Variants in NPAS3 observed in about 807,000 individuals in gnomAD.
NPAS3 encodes neuronal PAS domain protein 3.
In NPAS3, 14 loss-of-function variants were observed where a neutral mutation model predicts 73.1. The ratio of observed to expected loss-of-function variants is 0.19; its 90% confidence interval spans 0.13 to 0.30. NPAS3 has a LOEUF of 0.30. Among genes scored for constraint, NPAS3 ranks in the 10% least tolerant of loss-of-function variants. The probability of loss-of-function intolerance (pLI) is 1.00; values close to 1 mark genes in which losing one functional copy is unlikely to be tolerated. For missense variants in NPAS3, 1,096 were observed against 1,250.0 expected (o/e 0.88, Z 1.86); for synonymous variants, 620 against 541.5 (o/e 1.14, Z -2.01).
chr14:33,314,217 G>A (rs1375815370), intron 3 of NPAS3, among the ~76,000 whole-genome samples: 1 of 151,960 alleles, frequency 6.6e-6, no homozygotes, highest in Non-Finnish European at 1.5e-5. Context: ...ATTAGATACA[G>A]GCTATACCCA....
chr14:32,978,786 G>A lies in NPAS3; in HGVS notation c.50+39420G>A, dbSNP rs537886039. 2.0e-5 allele frequency among the ~76,000 whole-genome samples: 3 copies of A among 152,316 alleles called. No individual in the cohort carries two copies. The South Asian group carries it at 6.2e-4, about 32-fold the overall frequency. On this transcript the variant is annotated intron_variant, in intron 1 of 11. Transcript: ENST00000356141. ...TTAGAGAAACACTGAATGGATTGGC[G>A]AGAAAGGTCTTCAAGTGGTTGGTTG... is the stretch of plus-strand genomic sequence containing the variant.
intron 6 of NPAS3, among the ~76,000 whole-genome samples, chr14:33,716,839 G>A (rs9806087): frequency 0.28 from 42,539 of 151,760 alleles, 6,487 homozygotes; most frequent in Admixed American, 0.42. Context: ...CATTTTCTCT[G>A]TCCTCCTATG....
At chr14:33,033,074 A>G (rs556488842) in intron 1 of NPAS3, among the ~76,000 whole-genome samples, 1 of 152,334 alleles carries the variant, frequency 6.6e-6, no homozygotes, top group South Asian at 2.1e-4. Flanking sequence ...GATTTGGCCC[A>G]ATCTCTTTAT....
chr14:33,038,542 T>C (rs965539332), intron 1 of NPAS3, among the ~76,000 whole-genome samples: 8 of 144,478 alleles, frequency 5.5e-5, no homozygotes, highest in South Asian at 2.1e-4. Context: ...TATATACACA[T>C]ATATATATAT....
intron 3 of NPAS3, among the ~76,000 whole-genome samples, chr14:33,272,842 G>A (rs1446440982): frequency 6.6e-6 from 1 of 152,154 alleles, no homozygotes; most frequent in African/African-American, 2.4e-5. Flanking sequence ...CTCTACCAAA[G>A]GGTAGTGATA....
intron 5 of NPAS3, among the ~76,000 whole-genome samples, chr14:33,567,508 A>T (rs138210553): frequency 1.3e-4 from 20 of 152,344 alleles, no homozygotes; most frequent in Non-Finnish European, 2.4e-4. Context: ...TGGAGCACAG[A>T]GCAGCACAGT....
chr14:33,122,588 A>ACC (rs1266079347), intron 2 of NPAS3, among the ~76,000 whole-genome samples: 7 of 152,130 alleles, frequency 4.6e-5, no homozygotes, highest in Admixed American at 2.6e-4. Flanking sequence ...GTTTTAAGGA[A>ACC]CCTGTGATCC....
chr14:33,328,397 T>C (rs1158295898), intron 3 of NPAS3, among the ~76,000 whole-genome samples: 1 of 150,442 alleles, frequency 6.6e-6, no homozygotes, highest in Non-Finnish European at 1.5e-5. Flanking sequence ...TTCCTGTTTT[T>C]TCTCTATTTT....
chr14:33,503,482 G>A (rs900851875), intron 4 of NPAS3, among the ~76,000 whole-genome samples: 5 of 151,856 alleles, frequency 3.3e-5, no homozygotes, highest in Admixed American at 6.6e-5. Flanking sequence ...TGGTGAAACC[G>A]AGTGATACCT....
intron 6 of NPAS3, among the ~76,000 whole-genome samples, chr14:33,700,256 A>G (rs1018536462): frequency 6.6e-6 from 1 of 152,050 alleles, no homozygotes; most frequent in Non-Finnish European, 1.5e-5. Context: ...TGCTCTGTCT[A>G]CCTCGCTGCT....
At chr14:33,256,109 G>A (rs967346119) in intron 3 of NPAS3, among the ~76,000 whole-genome samples, 2 of 152,118 alleles carry the variant, frequency 1.3e-5, no homozygotes, top group African/African-American at 4.8e-5. Flanking sequence ...GTAACATACA[G>A]CATTTGTGTA....
intron 8 of NPAS3, among the ~76,000 whole-genome samples, chr14:33,777,208 G>C (rs2062847399): frequency 6.6e-6 from 1 of 152,104 alleles, no homozygotes; most frequent in African/African-American, 2.4e-5. Flanking sequence ...TGCAGAAAGG[G>C]GGTTTAACTG....
chr14:33,372,554 C>T (rs1342478473), intron 4 of NPAS3, among the ~76,000 whole-genome samples: 5 of 152,160 alleles, frequency 3.3e-5, no homozygotes, highest in African/African-American at 4.8e-5. Context: ...ACTCTGGGGC[C>T]GCCATTCACA....
chr14:33,744,444 C>G (rs1441263553), intron 7 of NPAS3, among the ~76,000 whole-genome samples: 1 of 152,096 alleles, frequency 6.6e-6, no homozygotes, highest in Non-Finnish European at 1.5e-5. Flanking sequence ...ACAATTATAA[C>G]AGTAATATCA....
intron 6 of NPAS3, among the ~76,000 whole-genome samples, chr14:33,721,712 C>T (rs941177334): frequency 2.0e-5 from 3 of 151,940 alleles, no homozygotes; most frequent in East Asian, 1.9e-4. Flanking sequence ...GTAACTGAAA[C>T]GATTAAGAAG....
chr14:33,031,682 C>T (rs895408906), intron 1 of NPAS3, among the ~76,000 whole-genome samples: 1 of 152,078 alleles, frequency 6.6e-6, no homozygotes, highest in African/African-American at 2.4e-5. Flanking sequence ...AGAGATGGGG[C>T]CTCACAGTGT....
chr14:33,750,994 G>C (rs2061947287), intron 7 of NPAS3, among the ~76,000 whole-genome samples: 1 of 152,136 alleles, frequency 6.6e-6, no homozygotes, highest in Admixed American at 6.5e-5. Flanking sequence ...TCTAAACAGA[G>C]GGAATGGTAT....
chr14:33,350,854 A>G (rs1214153654), intron 3 of NPAS3, among the ~76,000 whole-genome samples: 1 of 152,186 alleles, frequency 6.6e-6, no homozygotes, highest in Non-Finnish European at 1.5e-5. Context: ...CTTAGGACTG[A>G]TTTGAAAAAC....
At chr14:33,260,291 A>C (rs2048926445) in intron 3 of NPAS3, among the ~76,000 whole-genome samples, 1 of 151,850 alleles carries the variant, frequency 6.6e-6, no homozygotes, top group Non-Finnish European at 1.5e-5. Context: ...GATGAGTTAA[A>C]CACATCTCTA....
Sources: gnomAD v4.1 joint callset for allele counts (sites outside exome capture counted in the v4.1 genomes callset) on GRCh38, gnomAD v4.1.1 for gene constraint, MANE v1.5 for transcripts, NCBI Gene and HGNC (gene_info 2026-07-23, HGNC 2026-07-21) for gene names.